Variants in MAF observed in about 807,000 individuals in gnomAD.
MAF encodes MAF bZIP transcription factor, also known as transcription factor Maf.
MAF carries 10 observed loss-of-function variants against 22.0 expected under a neutral mutation model. That is an observed-to-expected ratio of 0.45 (90% CI 0.28 to 0.77). The LOEUF is 0.77. Among genes scored for constraint, MAF ranks in the 30% least tolerant of loss-of-function variants. The pLI, the probability that MAF is intolerant of heterozygous loss-of-function variation, is 0.12. For missense variants in MAF, 544 were observed against 548.4 expected (o/e 0.99, Z 0.08); for synonymous variants, 337 against 255.8 (o/e 1.32, Z -3.03).
the MAF span, among the ~76,000 whole-genome samples, chr16:79,314,158 T>C: frequency 6.6e-6 from 1 of 152,124 alleles, no homozygotes; most frequent in African/African-American, 2.4e-5. Flanking sequence ...GGAAAGCTGT[T>C]GTTATTAATA....
At chr16:79,391,748 G>T in the MAF span, among the ~76,000 whole-genome samples, 1 of 152,150 alleles carries the variant, frequency 6.6e-6, no homozygotes, top group African/African-American at 2.4e-5. Context: ...CAGGCTTTCT[G>T]TCCTAATTGC....
chr16:79,530,011 C>T, the MAF span, among the ~76,000 whole-genome samples: 2 of 151,864 alleles, frequency 1.3e-5, no homozygotes, highest in African/African-American at 2.4e-5. Context: ...GAGGATGATG[C>T]AAGGTTTGTT....
the MAF span, among the ~76,000 whole-genome samples, chr16:79,415,188 C>CT: frequency 1.4e-5 from 2 of 147,834 alleles, no homozygotes; most frequent in Non-Finnish European, 3.0e-5. Flanking sequence ...GGGCAGGACT[C>CT]TTGTTAGTTC....
the MAF span, among the ~76,000 whole-genome samples, chr16:79,501,528 G>C: frequency 6.6e-6 from 1 of 151,954 alleles, no homozygotes. Context: ...CAAAATGCTT[G>C]AGGCCACATT....
the MAF span, among the ~76,000 whole-genome samples, chr16:79,399,450 A>G: frequency 6.6e-6 from 1 of 152,360 alleles, no homozygotes; most frequent in South Asian, 2.1e-4. Context: ...ACTGCAAAGT[A>G]GAGCTTTGGT....
At chr16:79,327,583 AG>A in the MAF span, among the ~76,000 whole-genome samples, 1 of 152,182 alleles carries the variant, frequency 6.6e-6, no homozygotes, top group Non-Finnish European at 1.5e-5. Context: ...AGCTCCACCC[AG>A]GGTGGCCCAA....
chr16:79,389,221 T>G, the MAF span, among the ~76,000 whole-genome samples: 1 of 152,154 alleles, frequency 6.6e-6, no homozygotes, highest in Non-Finnish European at 1.5e-5. Flanking sequence ...GGGAAAGTCT[T>G]GGAGTCTCTC....
At chr16:79,552,960 C>A in the MAF span, among the ~76,000 whole-genome samples, 1 of 152,206 alleles carries the variant, frequency 6.6e-6, no homozygotes, top group Non-Finnish European at 1.5e-5. Flanking sequence ...TGACCAGGGC[C>A]TCACACTTCC....
At chr16:79,309,987 C>T in the MAF span, among the ~76,000 whole-genome samples, 10 of 152,166 alleles carry the variant, frequency 6.6e-5, no homozygotes, top group African/African-American at 2.4e-4. Flanking sequence ...TACACCGTGG[C>T]TTAAAGGGCA....
At chr16:79,398,563 C>T in the MAF span, among the ~76,000 whole-genome samples, 1 of 151,994 alleles carries the variant, frequency 6.6e-6, no homozygotes, top group Non-Finnish European at 1.5e-5. Context: ...ACGGAGTATC[C>T]TAGAGATAGA....
the MAF span, among the ~76,000 whole-genome samples, chr16:79,502,708 AATATATATATATATATATATATATATAT>A: frequency 8.8e-5 from 3 of 34,008 alleles, no homozygotes; most frequent in South Asian, 1.6e-3. Flanking sequence ...TATAAATATA[AATATATATATATATATATATATATATAT>A]ATATATATAT....
At chr16:79,249,093 GCT>G in the MAF span, among the ~76,000 whole-genome samples, 37 of 152,234 alleles carry the variant, frequency 2.4e-4, no homozygotes, top group Non-Finnish European at 5.3e-4. Flanking sequence ...GGTTATGAGG[GCT>G]CTGTCTACAT....
At chr16:79,413,511 G>T in the MAF span, among the ~76,000 whole-genome samples, 1 of 151,464 alleles carries the variant, frequency 6.6e-6, no homozygotes, top group East Asian at 2.0e-4. Context: ...GGGATTACAA[G>T]CGTGAGCCAC....
the MAF span, among the ~76,000 whole-genome samples, chr16:79,545,578 G>C: frequency 4.0e-5 from 6 of 150,920 alleles, no homozygotes; most frequent in Admixed American, 3.3e-4. Flanking sequence ...AAATTTACCA[G>C]AAATTTTTGT....
At chr16:79,331,043 GA>G in the MAF span, among the ~76,000 whole-genome samples, 3 of 152,190 alleles carry the variant, frequency 2.0e-5, no homozygotes. Context: ...GCTCAGATGG[GA>G]AATGGCTTCA....
At chr16:79,343,105 C>G in the MAF span, among the ~76,000 whole-genome samples, 1 of 152,128 alleles carries the variant, frequency 6.6e-6, no homozygotes, top group Non-Finnish European at 1.5e-5. Flanking sequence ...TCAGAACAAG[C>G]GAATGAGGTA....
At chr16:79,390,232 C>T in the MAF span, among the ~76,000 whole-genome samples, 1 of 151,964 alleles carries the variant, frequency 6.6e-6, no homozygotes, top group Admixed American at 6.6e-5. Context: ...GGCAATATTG[C>T]TTCTCTCCCC....
At chr16:79,287,071 C>T in the MAF span, among the ~76,000 whole-genome samples, 1,111 of 151,730 alleles carry the variant, frequency 7.3e-3, 15 homozygotes, top group African/African-American at 0.025. Flanking sequence ...TGAACACAAA[C>T]GAACATTCCA....
the MAF span, among the ~76,000 whole-genome samples, chr16:79,236,837 G>A: frequency 7.9e-5 from 12 of 151,640 alleles, no homozygotes; most frequent in African/African-American, 2.9e-4. Flanking sequence ...GGCCCTCCAG[G>A]GACAACCTAT....
Sources: allele counts gnomAD v4.1 joint callset (sites outside exome capture counted in the v4.1 genomes callset), GRCh38; gene constraint gnomAD v4.1.1; transcripts MANE v1.5; gene names NCBI Gene and HGNC (gene_info 2026-07-23, HGNC 2026-07-21).